NDE1: variants seen among roughly 807,000 people sequenced by gnomAD.
NDE1 encodes the protein nudE neurodevelopment protein 1.
NDE1 carries 28 observed loss-of-function variants against 43.4 expected under a neutral mutation model. That is an observed-to-expected ratio of 0.65 (90% confidence interval 0.48 to 0.89). The LOEUF is 0.89. Among genes scored for constraint, NDE1 ranks in the 40% least tolerant of loss-of-function variants. The pLI is 0.00. For missense variants in NDE1, 441 were observed against 434.1 expected (o/e 1.02, Z -0.14); for synonymous variants, 184 against 172.0 (o/e 1.07, Z -0.55).
intron 3 of NDE1, among the ~76,000 whole-genome samples, chr16:15,669,526 T>C (rs2037485766): frequency 6.6e-6 from 1 of 152,074 alleles, no homozygotes; most frequent in Admixed American, 6.6e-5. Flanking sequence ...CATGCCTGGC[T>C]AATTTTTGTA....
intron 8 of NDE1, chr16:15,699,627 C>T: frequency 7.9e-7 from 1 of 1,259,602 alleles, no homozygotes; most frequent in Non-Finnish European, 1.0e-6. Context: ...TGAGACCCTG[C>T]TCCTGACTCT....
At chr16:15,721,210 C>G in intron 8 of NDE1, 1 of 962,076 alleles carries the variant, frequency 1.0e-6, no homozygotes, top group Non-Finnish European at 1.6e-6. Context: ...AGTTCAGACC[C>G]CAGCCTTATC....
intron 6 of NDE1, among the ~76,000 whole-genome samples, chr16:15,691,868 A>G (rs1361705894): frequency 6.6e-6 from 1 of 151,660 alleles, no homozygotes; most frequent in African/African-American, 2.4e-5. Context: ...GACTCAAGTG[A>G]TCCGCCCACC....
At chr16:15,650,194 A>C (rs1206375364), upstream of NDE1, 1 of 172,228 alleles carries the variant, frequency 5.8e-6, no homozygotes, top group African/African-American at 2.4e-5. Flanking sequence ...CGCCGACCGC[A>C]GGCTCCGGGG....
At chr16:15,658,984 C>T (rs1346519455) in intron 1 of NDE1, among the ~76,000 whole-genome samples, 1 of 152,136 alleles carries the variant, frequency 6.6e-6, no homozygotes, top group African/African-American at 2.4e-5. Context: ...CGCCTTTCTG[C>T]CTTGATCAAA....
At chr16:15,690,412 A>AAGT (rs2038693938) in intron 5 of NDE1, among the ~76,000 whole-genome samples, 1 of 112,344 alleles carries the variant, frequency 8.9e-6, no homozygotes, top group Non-Finnish European at 1.6e-5. Flanking sequence ...GCCCAGGCTG[A>AAGT]AGTGGTATGA....
chr16:15,682,337 G>A (rs936578893), intron 4 of NDE1, among the ~76,000 whole-genome samples: 2 of 152,164 alleles, frequency 1.3e-5, no homozygotes, highest in African/African-American at 2.4e-5. Flanking sequence ...TGTAAAGACC[G>A]GGTTTCTCCA....
In NDE1 at chr16:15,664,590, C is replaced by A. The variant is rs34766733; in HGVS notation, c.-43-146C>A. 7.3e-3 allele frequency: 4,333 copies of A among 590,078 alleles called. 27 individuals are homozygous for A. Among genetic ancestry groups the A allele is most frequent in the Non-Finnish European group, 0.011 (3,618 of 333,108 alleles). 36.6% of individuals were successfully genotyped at this position (590,078 alleles called of 1,614,324 possible). ...TAGGGTGGTCTCGATCTCCTGACCT[C>A]GTGATCCGCCCGCCTCAGCCTCCCA... On this transcript the variant is annotated intron_variant, in intron 1 of 8. Transcript: ENST00000396354.
intron 7 of NDE1, among the ~76,000 whole-genome samples, chr16:15,696,491 T>C (rs1328719174): frequency 6.6e-6 from 1 of 152,020 alleles, no homozygotes. Flanking sequence ...GCTGGGATTA[T>C]AGGTGTGAGC....
chr16:15,661,064 C>G (rs1395661678), intron 1 of NDE1, among the ~76,000 whole-genome samples: 1 of 152,012 alleles, frequency 6.6e-6, no homozygotes, highest in African/African-American at 2.4e-5. Flanking sequence ...GATATTGCAT[C>G]TTGGTGTGTC....
At chr16:15,674,646 G>A (rs894434808) in intron 3 of NDE1, among the ~76,000 whole-genome samples, 1 of 152,158 alleles carries the variant, frequency 6.6e-6, no homozygotes, top group African/African-American at 2.4e-5. Flanking sequence ...TGACTGTTGT[G>A]TAAACCAAGT....
In NDE1 at chr16:15,724,577, G is replaced by C; in HGVS notation, c.*326G>C. 1 of 1,611,014 alleles carries C rather than the reference G, an allele frequency of 6.2e-7. No homozygotes were observed. The highest frequency in any genetic ancestry group is 1.3e-5 in the African/African-American group (1 of 74,974). On this transcript the variant is annotated 3_prime_UTR_variant, in exon 9 of 9. Coordinates refer to ENST00000396354, the MANE Select transcript of NDE1 (RefSeq NM_017668.3). ...TCGCACCAACACTCCACCGCGATCT[G>C]CCTGCGGGGGATCTCAGCGCAGAGA...
chr16:15,707,841 G>C (rs138683244), intron 8 of NDE1, among the ~76,000 whole-genome samples: 1,741 of 152,076 alleles, frequency 0.011, 37 homozygotes, highest in African/African-American at 0.04. Flanking sequence ...GCGAGGTGGC[G>C]GGAGCCTGTA....
At chr16:15,676,625 C>A (rs979606414) in intron 3 of NDE1, among the ~76,000 whole-genome samples, 1 of 152,106 alleles carries the variant, frequency 6.6e-6, no homozygotes, top group Non-Finnish European at 1.5e-5. Flanking sequence ...AAACCAAGTT[C>A]ATGCTGCCCT....
At chr16:15,711,759 C>G (rs2039810037) in intron 8 of NDE1, among the ~76,000 whole-genome samples, 1 of 152,094 alleles carries the variant, frequency 6.6e-6, no homozygotes, top group African/African-American at 2.4e-5. Flanking sequence ...GTGGTGCGAT[C>G]TCAGCTCACT....
chr16:15,653,783 T>C (rs2151396289), intron 1 of NDE1, among the ~76,000 whole-genome samples: 1 of 151,424 alleles, frequency 6.6e-6, no homozygotes, highest in Middle Eastern at 3.5e-3. Context: ...GCTGGAGTGC[T>C]GTGGGGCGAT....
At chr16:15,660,588 A>G (rs2036993064) in intron 1 of NDE1, among the ~76,000 whole-genome samples, 1 of 152,140 alleles carries the variant, frequency 6.6e-6, no homozygotes, top group Admixed American at 6.6e-5. Context: ...ATCGTCTTTT[A>G]GGTAATTCTC....
intron 8 of NDE1, chr16:15,720,332 G>T: frequency 6.2e-7 from 1 of 1,611,220 alleles, no homozygotes; most frequent in African/African-American, 1.3e-5. Context: ...GAATAGAGAT[G>T]TGTGCTGCCC....
rs2039169921 is a variant in NDE1 at position 15,699,927 on chromosome 16, C to T, written c.947+3067C>T. 2.4e-6 allele frequency: 3 copies of T among 1,243,272 alleles called. No individual in the cohort carries two copies. The South Asian group carries it at 4.1e-5, about 17-fold the overall frequency. The allele number at this position is 1,243,272 out of a possible 1,614,324, so 77.0% of individuals were successfully genotyped here. Reference sequence around the variant, plus strand: ...TTTAAGTTAGTTTGAGAAATAAGAGCAGTCACCATAGTTAGTTAGCTTTGC... The same window carrying T: ...TTTAAGTTAGTTTGAGAAATAAGAGTAGTCACCATAGTTAGTTAGCTTTGC... On this transcript the variant is annotated intron_variant, in intron 8 of 8. Coordinates refer to ENST00000396354, the MANE Select transcript of NDE1 (RefSeq NM_017668.3).
Sources: gnomAD v4.1 joint callset for allele counts (sites outside exome capture counted in the v4.1 genomes callset) on GRCh38, gnomAD v4.1.1 for gene constraint, MANE v1.5 for transcripts, NCBI Gene and HGNC (gene_info 2026-07-23, HGNC 2026-07-21) for gene names.